Variants in UBXN2A observed in about 807,000 individuals in gnomAD.
UBXN2A encodes the protein UBX domain protein 2A.
UBXN2A carries 28 observed loss-of-function variants against 28.4 expected under a neutral mutation model. That is an observed-to-expected ratio of 0.99 (90% confidence interval 0.73 to 1.35). The LOEUF (loss-of-function observed/expected upper bound fraction) is 1.35. Ranked by LOEUF, UBXN2A falls within the 40% of genes most tolerant of loss-of-function variation. The probability of loss-of-function intolerance (pLI) is 0.00; values close to 1 mark genes in which losing one functional copy is unlikely to be tolerated. For missense variants in UBXN2A, 253 were observed against 297.9 expected, an observed-to-expected ratio of 0.85 and a Z score of 1.11; for synonymous variants, 97 against 103.6, an observed-to-expected ratio of 0.94 and a Z score of 0.39.
chr2:23,956,177 T>TAAA (rs35223637), intron 1 of UBXN2A, among the ~76,000 whole-genome samples: 1 of 147,424 alleles, frequency 6.8e-6, no homozygotes. Context: ...TCTTTTTTAT[T>TAAA]AAAAAAAAAA....
chr2:23,942,419 C>CTTTTTT (rs759241567), intron 1 of UBXN2A, among the ~76,000 whole-genome samples: 87 of 98,114 alleles, frequency 8.9e-4, no homozygotes, highest in East Asian at 1.7e-3. Flanking sequence ...TGATGCAGGG[C>CTTTTTT]TTTTTTTTTT....
At chr2:23,967,930 CTT>C (rs970967011) in intron 2 of UBXN2A, among the ~76,000 whole-genome samples, 1 of 144,460 alleles carries the variant, frequency 6.9e-6, no homozygotes, top group African/African-American at 2.5e-5. Flanking sequence ...TAGTGATGGC[CTT>C]TTTTTTTTTT....
intron 6 of UBXN2A, among the ~76,000 whole-genome samples, chr2:23,989,365 A>G (rs1265402738): frequency 1.4e-5 from 2 of 145,364 alleles, no homozygotes; most frequent in African/African-American, 5.2e-5. Context: ...GTGTAGTGGT[A>G]TAATTACAGA....
At chr2:23,983,076 A>G (rs1012597401) in intron 5 of UBXN2A, 43 bp downstream of exon 5, 1 of 1,496,688 alleles carries the variant, frequency 6.7e-7, no homozygotes, top group African/African-American at 1.4e-5. Flanking sequence ...TCAAGGCTTA[A>G]CTAATATTCT....
chr2:23,956,354 AT>A (rs1340069122), intron 1 of UBXN2A, among the ~76,000 whole-genome samples: 1 of 151,444 alleles, frequency 6.6e-6, no homozygotes, highest in Non-Finnish European at 1.5e-5. Context: ...TTAATTTATT[AT>A]TTGTTTCTTT....
intron 1 of UBXN2A, among the ~76,000 whole-genome samples, chr2:23,956,783 A>G (rs758984199): frequency 1.1e-4 from 16 of 152,152 alleles, no homozygotes; most frequent in Non-Finnish European, 1.8e-4. Flanking sequence ...TAAACAGTAG[A>G]ATATTTAGAA....
intron 4 of UBXN2A, among the ~76,000 whole-genome samples, chr2:23,980,835 C>T (rs1707862011): frequency 6.6e-6 from 1 of 152,094 alleles, no homozygotes; most frequent in Admixed American, 6.6e-5. Flanking sequence ...CCATGTTCGC[C>T]AGGCTGGTCT....
At chr2:23,966,058 A>G (rs1304957921) in intron 2 of UBXN2A, among the ~76,000 whole-genome samples, 1 of 152,170 alleles carries the variant, frequency 6.6e-6, no homozygotes, top group Non-Finnish European at 1.5e-5. Flanking sequence ...ATCAAAAGTG[A>G]AACAAACCCA....
At chr2:23,971,496 T>C (rs1707419800) in intron 3 of UBXN2A, 82 bp downstream of exon 3, 2 of 1,386,278 alleles carry the variant, frequency 1.4e-6, no homozygotes, top group South Asian at 3.9e-5. Flanking sequence ...AAGGTCAAAA[T>C]TGTTTTGTTT....
intron 1 of UBXN2A, among the ~76,000 whole-genome samples, chr2:23,946,581 A>G (rs892640370): frequency 1.3e-5 from 2 of 151,764 alleles, no homozygotes; most frequent in African/African-American, 2.4e-5. Flanking sequence ...TCAGCCTCCT[A>G]AAGAGCTGAG....
At position 23,971,337 on chromosome 2, in the gene UBXN2A, T is replaced by C; in HGVS notation, c.103T>C (p.Tyr35His). 1 of 1,579,874 alleles carries C rather than the reference T, an allele frequency of 6.3e-7. No homozygotes were observed. Among genetic ancestry groups the C allele is most frequent in the Non-Finnish European group, 8.7e-7 (1 of 1,154,638 alleles). ...TAATAATCAACAATCAAATTGTGAA[T>C]ATTTTGTTGATAGCCTTTTTGAGGA... ...LGNNQQSNCE[Y>H]FVDSLFEEAQ... The change falls in exon 3 of 7, where the codon TAT becomes CAT. Residue 35 changes from tyrosine (Y) to histidine (H), a missense_variant. Physicochemically the swap from Tyr to His is moderately conservative, Grantham distance 83. Transcript: ENST00000309033.
chr2:23,943,319 T>A (rs937749914), intron 1 of UBXN2A, among the ~76,000 whole-genome samples: 3 of 152,136 alleles, frequency 2.0e-5, no homozygotes, highest in African/African-American at 7.2e-5. Flanking sequence ...GGGACAAGAA[T>A]GGAAATGAGG....
intron 1 of UBXN2A, among the ~76,000 whole-genome samples, chr2:23,951,439 TA>T (rs1706361252): frequency 1.8e-5 from 1 of 56,220 alleles, no homozygotes; most frequent in African/African-American, 5.1e-5. Context: ...TATATATATA[TA>T]TATATATATA....
chr2:23,945,905 A>G (rs2150806290), intron 1 of UBXN2A, among the ~76,000 whole-genome samples: 1 of 149,552 alleles, frequency 6.7e-6, no homozygotes, highest in East Asian at 2.0e-4. Context: ...ATCTCAGCTC[A>G]CTGCAACCTC....
intron 1 of UBXN2A, among the ~76,000 whole-genome samples, chr2:23,942,820 G>A (rs967552492): frequency 6.6e-6 from 1 of 151,898 alleles, no homozygotes; most frequent in Non-Finnish European, 1.5e-5. Flanking sequence ...CCACTCAAAT[G>A]TAGGGAGAGA....
intron 1 of UBXN2A, among the ~76,000 whole-genome samples, chr2:23,948,945 CTT>C (rs777506305): frequency 0.039 from 5,155 of 131,626 alleles, 66 homozygotes; most frequent in Middle Eastern, 0.052. Flanking sequence ...TCTCTTGTAG[CTT>C]TTTTTTTTTT....
At position 24,001,633 on chromosome 2, in the gene UBXN2A, T is replaced by C. The variant is rs1037283753; in HGVS notation, c.*1766T>C. 1.3e-5 allele frequency: 2 copies of C among 151,518 alleles called. No individual in the cohort carries two copies. Among genetic ancestry groups the C allele is most frequent in the Non-Finnish European group, 2.9e-5 (2 of 67,886 alleles). The allele number at this position is 151,518 out of a possible 1,614,324, so 9.4% of individuals were successfully genotyped here. A position where few individuals can be genotyped will look rare whatever the true frequency, so the allele number is the denominator to read the frequency against. ...AGACCATTTGTTTATGTGAGCTATA[T>C]ATATTATTATATTAAATATTAAATT... On this transcript the variant is annotated 3_prime_UTR_variant, in exon 7 of 7. Coordinates refer to ENST00000309033, the MANE Select transcript of UBXN2A (RefSeq NM_181713.4).
chr2:23,986,080 G>T (rs918522077), intron 6 of UBXN2A, among the ~76,000 whole-genome samples: 4 of 152,056 alleles, frequency 2.6e-5, no homozygotes, highest in Non-Finnish European at 2.9e-5. Flanking sequence ...AGGCCGAGAC[G>T]GGTGGATCAC....
At chr2:23,947,814 C>T (rs1205671185) in intron 1 of UBXN2A, among the ~76,000 whole-genome samples, 2 of 152,094 alleles carry the variant, frequency 1.3e-5, no homozygotes, top group Admixed American at 6.6e-5. Context: ...GGCTTGCACA[C>T]ATTGGTGGGT....
Sources: gnomAD v4.1 joint callset for allele counts (sites outside exome capture counted in the v4.1 genomes callset) on GRCh38, gnomAD v4.1.1 for gene constraint, MANE v1.5 for transcripts, NCBI Gene and HGNC (gene_info 2026-07-23, HGNC 2026-07-21) for gene names.